BMPER: variants seen among roughly 807,000 people sequenced by gnomAD.
The protein encoded by BMPER is BMP-binding endothelial regulator protein.
Under a neutral mutation model 87.3 loss-of-function variants are expected in BMPER, and 45 were observed. The observed-to-expected ratio is 0.52, with a 90% CI of 0.41 to 0.66. The LOEUF is 0.66. BMPER is among the 30% of genes least tolerant of loss of function. The pLI, the probability that BMPER is intolerant of heterozygous loss-of-function variation, is 0.00. For synonymous variants in BMPER, 326 were observed against 316.2 expected (o/e 1.03, Z -0.33); for missense variants, 784 against 867.5 (o/e 0.90, Z 1.21).
At chr7:34,107,093 T>C (rs1225565032) in intron 13 of BMPER, among the ~76,000 whole-genome samples, 1 of 152,222 alleles carries the variant, frequency 6.6e-6, no homozygotes, top group Non-Finnish European at 1.5e-5. Flanking sequence ...TCTGTTGCTG[T>C]CCTTTCTTTG....
Position 33,966,741 on chromosome 7 carries a change from A to G in BMPER, c.402+180A>G, listed in dbSNP as rs570079441. ...GTCACCATAACGAGACAGGTGCAGC[A>G]TAGATATTGTGTAGAACTTGCTTCC... On this transcript the variant is annotated intron_variant, in intron 4 of 14. Coordinates refer to ENST00000649409, the MANE Select transcript of BMPER (RefSeq NM_001365308.1). 7.2e-5 allele frequency among the ~76,000 whole-genome samples: 11 copies of G among 152,348 alleles called. No homozygotes were observed. In the East Asian group the frequency reaches 1.7e-3, roughly 24 times the overall value.
At chr7:33,947,069 T>G (rs1176725925) in intron 3 of BMPER, among the ~76,000 whole-genome samples, 1 of 152,204 alleles carries the variant, frequency 6.6e-6, no homozygotes, top group East Asian at 1.9e-4. Flanking sequence ...ATGCTAATAA[T>G]AATTATACAT....
Position 33,974,785 on chromosome 7 carries a change from G to GT in BMPER, c.576+2dup, listed in dbSNP as rs1441286751. On this transcript the variant is annotated splice_donor_variant, in intron 6 of 14. Coordinates refer to ENST00000649409, the MANE Select transcript of BMPER (RefSeq NM_001365308.1). LOFTEE classifies it high-confidence loss of function. ...CAAATGTACCAAGTGTTCCTGCACT[G>GT]TAAGTCCTGCTGTGGATGTTCCCAG... 6.2e-7 allele frequency: 1 copy of GT among 1,613,804 alleles called. No homozygotes were observed. Among genetic ancestry groups the GT allele is most frequent in the Non-Finnish European group, 8.5e-7 (1 of 1,179,734 alleles).
In BMPER at chr7:33,988,787, C is replaced by G. The variant is rs1382580750; in HGVS notation, c.576+14003C>G. Among the ~76,000 whole-genome samples the G allele has an allele frequency of 1.1e-4, 13 of 117,868 alleles. No individual in the cohort carries two copies. The Admixed American group carries it at 1.3e-3, about 12-fold the overall frequency. 77.3% of individuals were successfully genotyped at this position (117,868 alleles called of 152,430 possible). On this transcript the variant is annotated intron_variant, in intron 6 of 14. Transcript: ENST00000649409. ...CCCCTCCCCCCACCCCACAACAGTCCCCAGAGTGTGATATTCCCCTTTCTG... is the reference window on the plus strand; with the variant it reads ...CCCCTCCCCCCACCCCACAACAGTCGCCAGAGTGTGATATTCCCCTTTCTG...
intron 3 of BMPER, among the ~76,000 whole-genome samples, chr7:33,958,309 T>C (rs1433693184): frequency 6.6e-6 from 1 of 152,146 alleles, no homozygotes; most frequent in Non-Finnish European, 1.5e-5. Flanking sequence ...TTATGAAAAA[T>C]GTATGAATTC....
intron 8 of BMPER, among the ~76,000 whole-genome samples, chr7:34,054,401 A>C (rs1788226499): frequency 6.6e-6 from 1 of 152,212 alleles, no homozygotes; most frequent in South Asian, 2.1e-4. Context: ...GCAGTTTGAC[A>C]AAGGATTTTT....
chr7:34,025,861 G>GT (rs1009961419), intron 6 of BMPER, among the ~76,000 whole-genome samples: 2 of 151,984 alleles, frequency 1.3e-5, no homozygotes, highest in African/African-American at 2.4e-5. Context: ...CTGCCTGTTC[G>GT]TTTTTTGCAT....
At chr7:33,950,928 A>C (rs1785005064) in intron 3 of BMPER, among the ~76,000 whole-genome samples, 1 of 152,184 alleles carries the variant, frequency 6.6e-6, no homozygotes, top group Non-Finnish European at 1.5e-5. Context: ...ACAAGCTAGC[A>C]AACGCTTGCT....
chr7:34,101,628 C>T (rs6946061), intron 13 of BMPER, among the ~76,000 whole-genome samples: 42,491 of 152,076 alleles, frequency 0.28, 6,362 homozygotes, highest in African/African-American at 0.34. Flanking sequence ...ATTGGTGGCT[C>T]AAGAATTTGG....
chr7:34,053,555 C>A (rs1245893126), intron 8 of BMPER, among the ~76,000 whole-genome samples: 2 of 152,164 alleles, frequency 1.3e-5, no homozygotes, highest in Non-Finnish European at 2.9e-5. Flanking sequence ...TCAATTAACA[C>A]ATATTTTGTA....
Position 34,079,059 on chromosome 7 carries a change from G to T in BMPER, c.1281G>T (p.Glu427Asp). 1 of 1,614,146 alleles carries T rather than the reference G, an allele frequency of 6.2e-7. No homozygotes were observed. Among genetic ancestry groups the T allele is most frequent in the East Asian group, 2.2e-5 (1 of 44,876 alleles). ...AGTCGGTGGAGCTGGTGCTGGGCGA[G>T]AGCAGGGTCAGCCTGCAGCAGCACC... ...WTKSVELVLG[E>D]SRVSLQQHLT... is the part of the protein sequence containing the mutation. The change falls in exon 12 of 15, where the codon GAG (glutamate) becomes GAT (aspartate). Residue 427 changes from glutamate (E) to aspartate (D), a missense_variant. Transcript: ENST00000649409.
chr7:34,107,382 G>T (rs553399678), intron 13 of BMPER, among the ~76,000 whole-genome samples: 1 of 152,130 alleles, frequency 6.6e-6, no homozygotes, highest in Non-Finnish European at 1.5e-5. Flanking sequence ...AAGAGCATTC[G>T]CAAACTAATT....
intron 6 of BMPER, among the ~76,000 whole-genome samples, chr7:34,004,729 A>G (rs772050818): frequency 2.2e-4 from 33 of 152,276 alleles, no homozygotes; most frequent in Non-Finnish European, 4.0e-4. Flanking sequence ...GTCTTGAACC[A>G]GTACGACTCC....
intron 6 of BMPER, among the ~76,000 whole-genome samples, chr7:33,982,678 A>C (rs1785896300): frequency 1.3e-5 from 2 of 152,164 alleles, no homozygotes; most frequent in Non-Finnish European, 2.9e-5. Flanking sequence ...CCTGTCAGCC[A>C]AGGCTTCTAG....
chr7:34,060,314 G>A (rs1788403375), intron 10 of BMPER, among the ~76,000 whole-genome samples: 1 of 151,786 alleles, frequency 6.6e-6, no homozygotes, highest in African/African-American at 2.4e-5. Flanking sequence ...AGGTGGCTCT[G>A]CTGCATTGGG....
rs777906027 is a variant in BMPER at position 34,078,938 on chromosome 7, A to G, written c.1160A>G (p.Gln387Arg). The change falls in exon 12 of 15, where the codon CAG (glutamine) becomes CGG (arginine). Residue 387 changes from glutamine to arginine, a missense_variant. Gln to Arg is a conservative substitution (Grantham distance 43). Coordinates refer to ENST00000649409, the MANE Select transcript of BMPER (RefSeq NM_001365308.1). ...ACATTTAACTTTCAGGGGACGTGTC[A>G]GTACGTTTTGACAAAAGACTGCTCC... ...GRTFNFQGTCQYVLTKDCSSP... is the reference protein window; with the variant it reads ...GRTFNFQGTCRYVLTKDCSSP... The G allele has an allele frequency of 4.3e-6, 7 of 1,614,198 alleles. No homozygotes were observed. The highest frequency in any genetic ancestry group is 5.9e-6 in the Non-Finnish European group (7 of 1,180,034).
intron 6 of BMPER, among the ~76,000 whole-genome samples, chr7:34,030,689 A>G (rs564365577): frequency 1.2e-3 from 179 of 151,750 alleles, no homozygotes; most frequent in Non-Finnish European, 1.5e-3. Context: ...TGGTGCAATC[A>G]TAGCTCACTA....
chr7:33,921,651 G>T, intron 2 of BMPER: 1 of 442,610 alleles, frequency 2.3e-6, no homozygotes. Flanking sequence ...CTGACCCGCT[G>T]GGCTGCTGCC....
intron 13 of BMPER, among the ~76,000 whole-genome samples, chr7:34,087,412 G>A (rs1215306656): frequency 6.6e-6 from 1 of 152,176 alleles, no homozygotes; most frequent in Non-Finnish European, 1.5e-5. Context: ...ATGGAAAGCA[G>A]TAGAATATAG....
Sources: allele counts gnomAD v4.1 joint callset (sites outside exome capture counted in the v4.1 genomes callset), GRCh38; gene constraint gnomAD v4.1.1; transcripts MANE v1.5; gene names NCBI Gene and HGNC (gene_info 2026-07-23, HGNC 2026-07-21).